Variants in SLC9A9 observed in about 807,000 individuals in gnomAD.
The protein encoded by SLC9A9 is solute carrier family 9 member A9.
SLC9A9 carries 62 observed loss-of-function variants against 77.8 expected under a neutral mutation model. The ratio of observed to expected loss-of-function variants is 0.80; its 90% CI spans 0.65 to 0.98. The LOEUF (loss-of-function observed/expected upper bound fraction) is 0.98, where lower values mean the gene tolerates loss of function less well. SLC9A9 is among the 50% of genes least tolerant of loss of function. SLC9A9 has a pLI of 0.00. For synonymous variants in SLC9A9, 320 were observed against 283.5 expected (o/e 1.13, Z -1.29); for missense variants, 775 against 774.9 (o/e 1.00, Z 0.00).
chr3:143,272,030 G>A (rs959369354), intron 14 of SLC9A9, among the ~76,000 whole-genome samples: 1 of 152,188 alleles, frequency 6.6e-6, no homozygotes, highest in African/African-American at 2.4e-5. Context: ...TGAAGGGGCA[G>A]ATTACAGCCA....
chr3:143,527,982 T>C (rs1332431172), intron 9 of SLC9A9, among the ~76,000 whole-genome samples: 11 of 152,238 alleles, frequency 7.2e-5, no homozygotes, highest in Admixed American at 6.5e-4. Flanking sequence ...TGGCTGTAAC[T>C]GAAAGTAGAT....
intron 4 of SLC9A9, among the ~76,000 whole-genome samples, chr3:143,726,128 A>T (rs1371273963): frequency 6.6e-6 from 1 of 151,974 alleles, no homozygotes; most frequent in Admixed American, 6.6e-5. Flanking sequence ...ATTAAAAAAA[A>T]ATACTTAGGT....
rs60995925 is a variant in SLC9A9, at chr3:143,722,472, C to CAAAAAAAA, written c.534-29173_534-29166dup. ...TGGGCGACAGAGCGAGACTCCATCT[C>CAAAAAAAA]AAAAAAAAAAAAAAAAAAAAAAAGT... On this transcript the variant is annotated intron_variant, in intron 4 of 15. Transcript: ENST00000316549. Among the ~76,000 whole-genome samples the CAAAAAAAA allele has an allele frequency of 5.4e-3, 315 of 58,290 alleles. 33 individuals carry two copies. Among genetic ancestry groups the CAAAAAAAA allele is most frequent in the East Asian group, 0.038 (46 of 1,216 alleles). The allele number at this position is 58,290 out of a possible 152,430, so 38.2% of individuals were successfully genotyped here.
At chr3:143,331,196 C>A (rs556639301) in intron 14 of SLC9A9, among the ~76,000 whole-genome samples, 1 of 152,136 alleles carries the variant, frequency 6.6e-6, no homozygotes, top group Non-Finnish European at 1.5e-5. Context: ...AGCAGCTGAT[C>A]AGTTTTGCCA....
intron 9 of SLC9A9, among the ~76,000 whole-genome samples, chr3:143,546,646 A>G (rs1372100651): frequency 6.6e-6 from 1 of 152,196 alleles, no homozygotes; most frequent in Non-Finnish European, 1.5e-5. Flanking sequence ...TACTAACCAA[A>G]TGATATTTAG....
intron 14 of SLC9A9, among the ~76,000 whole-genome samples, chr3:143,297,130 T>C (rs1345395627): frequency 6.6e-6 from 1 of 152,234 alleles, no homozygotes. Context: ...CCCTATATTT[T>C]TTCCTAGGAG....
chr3:143,506,127 G>A lies in SLC9A9; in HGVS notation c.1090-10679C>T, dbSNP rs1236512178. ...TATCATGATACTGCTCAGAGATATT[G>A]GTCATGAAATAGATTGACCTTAGAT... On this transcript the variant is annotated intron_variant, in intron 9 of 15. Coordinates refer to ENST00000316549, the MANE Select transcript of SLC9A9 (RefSeq NM_173653.4). Among the ~76,000 whole-genome samples the A allele has an allele frequency of 2.0e-5, 3 of 152,150 alleles. No individual in the cohort carries two copies. In the East Asian group the frequency reaches 5.8e-4, roughly 29 times the overall value.
chr3:143,567,870 G>A (rs182744434), intron 8 of SLC9A9, among the ~76,000 whole-genome samples: 2 of 152,208 alleles, frequency 1.3e-5, no homozygotes, highest in Admixed American at 1.3e-4. Flanking sequence ...CTTTTTGTTC[G>A]TTTATCAGTA....
chr3:143,545,674 T>C lies in SLC9A9; in HGVS notation c.1089+6688A>G, dbSNP rs566264774. On this transcript the variant is annotated intron_variant, in intron 9 of 15. Coordinates refer to ENST00000316549, the MANE Select transcript of SLC9A9 (RefSeq NM_173653.4). ...AGGAAAAGCCATCACAACCACTCAC[T>C]TAGGAGCTGAGAGTTTTTCCAGGAA... 2.6e-5 allele frequency among the ~76,000 whole-genome samples: 4 copies of C among 152,304 alleles called. No individual in the cohort carries two copies. In the South Asian group the frequency reaches 6.2e-4, roughly 24 times the overall value.
chr3:143,754,709 G>T (rs2006866209), intron 4 of SLC9A9, among the ~76,000 whole-genome samples: 1 of 152,206 alleles, frequency 6.6e-6, no homozygotes, highest in Admixed American at 6.5e-5. Context: ...TGAGCCAGGA[G>T]TCCTGAGACA....
At chr3:143,300,963 C>G (rs1350635774) in intron 14 of SLC9A9, among the ~76,000 whole-genome samples, 2 of 152,172 alleles carry the variant, frequency 1.3e-5, no homozygotes, top group East Asian at 3.8e-4. Context: ...AAGGCAAAAA[C>G]CTGTTTAACA....
intron 4 of SLC9A9, among the ~76,000 whole-genome samples, chr3:143,786,849 G>T (rs774177516): frequency 4.6e-5 from 7 of 152,168 alleles, no homozygotes; most frequent in Non-Finnish European, 8.8e-5. Context: ...GCCTCCCTAA[G>T]CTCTGCTGTT....
chr3:143,729,135 CCTT>C (rs750380918), intron 4 of SLC9A9, among the ~76,000 whole-genome samples: 3 of 152,146 alleles, frequency 2.0e-5, no homozygotes, highest in Non-Finnish European at 2.9e-5. Context: ...CTGGCCAACT[CCTT>C]CTCATTTTTT....
intron 5 of SLC9A9, chr3:143,655,572 C>A: frequency 1.0e-6 from 1 of 985,338 alleles, no homozygotes; most frequent in Non-Finnish European, 1.2e-6. Flanking sequence ...TACATACCCT[C>A]TTCTTACATG....
At chr3:143,569,986 T>C (rs2037232651) in intron 8 of SLC9A9, among the ~76,000 whole-genome samples, 1 of 151,686 alleles carries the variant, frequency 6.6e-6, no homozygotes, top group South Asian at 2.1e-4. Context: ...CTTTTTTTTT[T>C]TTAGAGACAG....
intron 5 of SLC9A9, among the ~76,000 whole-genome samples, chr3:143,662,380 C>A (rs1396022054): frequency 6.6e-6 from 1 of 152,214 alleles, no homozygotes; most frequent in Non-Finnish European, 1.5e-5. Context: ...CAGCTCCCAG[C>A]ATGAGCGATG....
intron 4 of SLC9A9, among the ~76,000 whole-genome samples, chr3:143,791,108 A>C (rs1440488883): frequency 6.6e-6 from 1 of 152,196 alleles, no homozygotes; most frequent in Non-Finnish European, 1.5e-5. Flanking sequence ...TTTCAAACAC[A>C]TGGACTTTTC....
intron 4 of SLC9A9, among the ~76,000 whole-genome samples, chr3:143,760,967 C>G (rs939989726): frequency 6.6e-6 from 1 of 152,172 alleles, no homozygotes; most frequent in African/African-American, 2.4e-5. Flanking sequence ...GTAACCAAAA[C>G]AGCATGGTAT....
chr3:143,341,800 A>G (rs1001269359), intron 14 of SLC9A9, among the ~76,000 whole-genome samples: 1 of 152,222 alleles, frequency 6.6e-6, no homozygotes, highest in African/African-American at 2.4e-5. Context: ...TTAATTTATC[A>G]TATTTTCCCT....
Sources: allele counts gnomAD v4.1 joint callset (sites outside exome capture counted in the v4.1 genomes callset), GRCh38; gene constraint gnomAD v4.1.1; transcripts MANE v1.5; gene names NCBI Gene and HGNC (gene_info 2026-07-23, HGNC 2026-07-21).